Variants in ATG2B observed in about 807,000 individuals in gnomAD.
The protein encoded by ATG2B is autophagy-related protein 2 homolog B.
Under a neutral mutation model 241.3 loss-of-function variants are expected in ATG2B, and 121 were observed. The ratio of observed to expected loss-of-function variants is 0.50; its 90% CI spans 0.43 to 0.58. The LOEUF (loss-of-function observed/expected upper bound fraction) is 0.58. ATG2B is among the 20% of genes least tolerant of loss of function. ATG2B has a pLI of 0.00. For missense variants in ATG2B, 2,306 were observed against 2,491.6 expected, an observed-to-expected ratio of 0.93 and a Z score of 1.59; for synonymous variants, 858 against 876.6, an observed-to-expected ratio of 0.98 and a Z score of 0.37.
Position 96,306,802 on chromosome 14 carries a change from G to C in ATG2B, c.4418C>G (p.Ser1473Cys). ...CATTGCATCACTGATGAAATGGTGA[G>C]AGAATGAGGCATAGGTGGGGCCGGA... ...QESGPTYASF[S>C]HHFISDAMTG... The change falls in exon 30 of 42, where the codon TCT becomes TGT. Residue 1473 changes from serine (S) to cysteine (C), a missense_variant. By Grantham distance (112) the Ser-to-Cys change is moderately radical. Around this residue, in one of 2 missense-constraint regions of ATG2B, gnomAD observed 1,927 missense variants for 2,011.2 expected, o/e 0.96. Transcript: ENST00000359933. 6.2e-7 allele frequency: 1 copy of C among 1,614,104 alleles called. No individual in the cohort carries two copies.
At chr14:96,293,944 C>T (rs1595293271) in intron 36 of ATG2B, among the ~76,000 whole-genome samples, 1 of 151,860 alleles carries the variant, frequency 6.6e-6, no homozygotes, top group South Asian at 2.1e-4. Flanking sequence ...AATAAGAATG[C>T]ATATTATCAC....
chr14:96,303,289 T>A, intron 32 of ATG2B, 34 bp from the exon 33 acceptor site: 1 of 1,404,474 alleles, frequency 7.1e-7, no homozygotes, highest in Non-Finnish European at 9.4e-7. Flanking sequence ...GCGGAACAGT[T>A]CTTTACATTC....
intron 18 of ATG2B, among the ~76,000 whole-genome samples, chr14:96,319,086 C>A (rs1281541291): frequency 6.6e-6 from 1 of 152,204 alleles, no homozygotes; most frequent in South Asian, 2.1e-4. Flanking sequence ...CAAGGCGCCG[C>A]GTGGTGAGGC....
chr14:96,281,921 G>C lies in ATG2B; in HGVS notation c.*3834C>G, dbSNP rs141769429. On this transcript the variant is annotated 3_prime_UTR_variant, in exon 42 of 42. Coordinates refer to ENST00000359933, the MANE Select transcript of ATG2B (RefSeq NM_018036.7). ...ATCCCCAAAGAAGCCTATTACGGTA[G>C]TGTGTTGGATGCTTTTTGTATCTCT... 6.6e-6 allele frequency: 1 copy of C among 152,220 alleles called. No homozygotes were observed. The highest frequency in any genetic ancestry group is 2.4e-5 in the African/African-American group (1 of 41,452). The allele number at this position is 152,220 out of a possible 1,614,324, so 9.4% of individuals were successfully genotyped here.
At chr14:96,324,963 C>T (rs1004954932) in intron 15 of ATG2B, among the ~76,000 whole-genome samples, 1 of 152,084 alleles carries the variant, frequency 6.6e-6, no homozygotes, top group Non-Finnish European at 1.5e-5. Context: ...CTAGGAACCA[C>T]AGGATAAAAG....
chr14:96,331,276 G>A (rs1424349406), intron 11 of ATG2B, 100 bp downstream of exon 11: 1 of 1,127,728 alleles, frequency 8.9e-7, no homozygotes, highest in East Asian at 2.4e-5. Context: ...AAAAACAAAT[G>A]CAGATAGGCA....
intron 12 of ATG2B, 36 bp downstream of exon 12, chr14:96,329,448 A>G: frequency 6.9e-7 from 1 of 1,451,524 alleles, no homozygotes; most frequent in Non-Finnish European, 9.3e-7. Context: ...GGTAGATTTA[A>G]AAAATAATCT....
chr14:96,333,412 T>C (rs193181290), intron 8 of ATG2B, among the ~76,000 whole-genome samples: 1 of 152,298 alleles, frequency 6.6e-6, no homozygotes, highest in East Asian at 1.9e-4. Flanking sequence ...TCACATAAAT[T>C]TACATTTTTA....
chr14:96,308,541 G>C (rs535994410), intron 29 of ATG2B, among the ~76,000 whole-genome samples: 1 of 146,876 alleles, frequency 6.8e-6, no homozygotes, highest in Non-Finnish European at 1.5e-5. Context: ...GAGTTCAAGT[G>C]ATCCACCTGC....
chr14:96,312,957 A>G (rs1219414842), intron 25 of ATG2B, 108 bp downstream of exon 25: 10 of 653,642 alleles, frequency 1.5e-5, no homozygotes, highest in Non-Finnish European at 2.5e-5. Context: ...CTATTAGTAA[A>G]AGAACGTTTA....
intron 6 of ATG2B, among the ~76,000 whole-genome samples, chr14:96,334,943 C>A (rs554274317): frequency 2.0e-5 from 3 of 152,308 alleles, no homozygotes; most frequent in South Asian, 4.1e-4. Context: ...CATACTCTAG[C>A]AGAGCATGTA....
At position 96,284,150 on chromosome 14, in the gene ATG2B, G is replaced by A. The variant is rs1886273875; in HGVS notation, c.*1605C>T. ...GAAAATGCTGGCATCTGAGCGGGGT[G>A]GTCAGAACGCACCCCACAGCCAGAG... On this transcript the variant is annotated 3_prime_UTR_variant, in exon 42 of 42. Coordinates refer to ENST00000359933, the MANE Select transcript of ATG2B (RefSeq NM_018036.7). The A allele has an allele frequency of 6.6e-6, 1 of 152,164 alleles. No homozygotes were observed. The highest frequency in any genetic ancestry group is 6.5e-5 in the Admixed American group (1 of 15,280). The allele number at this position is 152,164 out of a possible 1,614,324, so 9.4% of individuals were successfully genotyped here.
chr14:96,337,295 G>A (rs1290036836), intron 6 of ATG2B, among the ~76,000 whole-genome samples: 2 of 152,188 alleles, frequency 1.3e-5, no homozygotes, highest in African/African-American at 4.8e-5. Context: ...TAGAGATTAT[G>A]TAGAAAATTT....
chr14:96,336,528 CAT>C (rs1157121769), intron 6 of ATG2B, among the ~76,000 whole-genome samples: 17 of 152,242 alleles, frequency 1.1e-4, no homozygotes, highest in African/African-American at 3.9e-4. Flanking sequence ...CTAAAAGTAA[CAT>C]ATATTTATAC....
At position 96,282,370 on chromosome 14, in the gene ATG2B, A is replaced by T. The variant is rs1429061749; in HGVS notation, c.*3385T>A. ...TGATGGAGAAAAGAACTTGACGGAC[A>T]TTCTCTCTGAAGTCTTAAGGAGGTC... On this transcript the variant is annotated 3_prime_UTR_variant, in exon 42 of 42. Transcript: ENST00000359933. 1 of 152,248 alleles carries T rather than the reference A, an allele frequency of 6.6e-6. No individual in the cohort carries two copies. The highest frequency in any genetic ancestry group is 2.4e-5 in the African/African-American group (1 of 41,468). 9.4% of individuals were successfully genotyped at this position (152,248 alleles called of 1,614,324 possible).
At position 96,312,902 on chromosome 14, in the gene ATG2B, C is replaced by T. The variant is rs112675512; in HGVS notation, c.3842+163G>A. 1.7e-3 allele frequency among the ~76,000 whole-genome samples: 266 copies of T among 152,222 alleles called. 5 individuals are homozygous for T. The highest frequency in any genetic ancestry group is 6.1e-3 in the African/African-American group (253 of 41,534). Reference sequence around the variant, plus strand: ...TGCAATAATAAATGGGTAGATGAAACATGTCACCTGAGAAAAATTGGGTAA... The same window carrying T: ...TGCAATAATAAATGGGTAGATGAAATATGTCACCTGAGAAAAATTGGGTAA... On this transcript the variant is annotated intron_variant, in intron 25 of 41. Coordinates refer to ENST00000359933, the MANE Select transcript of ATG2B (RefSeq NM_018036.7).
chr14:96,311,493 A>G, intron 27 of ATG2B, 49 bp downstream of exon 27: 2 of 1,453,544 alleles, frequency 1.4e-6, no homozygotes, highest in South Asian at 1.3e-5. Flanking sequence ...AATTTTTTTA[A>G]TCTCTTAAAA....
In ATG2B at chr14:96,303,181, G is replaced by A. The variant is rs1411534252; in HGVS notation, c.4917C>T (p.Ser1639=). The A allele has an allele frequency of 5.0e-6, 8 of 1,612,874 alleles. No homozygotes were observed. The African/African-American group carries it at 6.7e-5, about 13-fold the overall frequency. ...CDSSLSEHPV[S]RQVFIVQDLE... Reference sequence around the variant, plus strand: ...GATCCTGAACAATGAACACCTGCCGGGAGACTGGGTGTTCTGAGAGGCTGG... The same window carrying A: ...GATCCTGAACAATGAACACCTGCCGAGAGACTGGGTGTTCTGAGAGGCTGG... Residue 1639 remains serine, a synonymous_variant, in exon 33 of 42, where the codon TCC becomes TCT. Coordinates refer to ENST00000359933, the MANE Select transcript of ATG2B (RefSeq NM_018036.7).
At position 96,279,364 on chromosome 14, in the gene ATG2B, C is replaced by T. The variant is rs1039692827; in HGVS notation, c.*6391G>A. 6.6e-6 allele frequency: 1 copy of T among 151,938 alleles called. No individual in the cohort carries two copies. Among genetic ancestry groups the T allele is most frequent in the African/African-American group, 2.4e-5 (1 of 41,302 alleles). 9.4% of individuals were successfully genotyped at this position (151,938 alleles called of 1,614,324 possible). On this transcript the variant is annotated 3_prime_UTR_variant, in exon 42 of 42. Transcript: ENST00000359933. ...TCCCCTCTCCGGGCTTCGATTTCCT[C>T]ACCTGCAGACAGGACTAGATGACCA...
Sources: allele counts gnomAD v4.1 joint callset (sites outside exome capture counted in the v4.1 genomes callset), GRCh38; gene constraint gnomAD v4.1.1; regional missense constraint gnomAD v4.1.1; transcripts MANE v1.5; gene names NCBI Gene and HGNC (gene_info 2026-07-23, HGNC 2026-07-21).